Variants in PRMT3 observed in about 807,000 individuals in gnomAD.
PRMT3 encodes the protein protein arginine N-methyltransferase 3.
Under a neutral mutation model 71.9 loss-of-function variants are expected in PRMT3, and 62 were observed. The observed-to-expected ratio is 0.86, with a 90% CI of 0.70 to 1.07. The LOEUF (loss-of-function observed/expected upper bound fraction) is 1.07, where lower values mean the gene tolerates loss of function less well. PRMT3 is among the 50% of genes least tolerant of loss of function. The pLI, the probability that PRMT3 is intolerant of heterozygous loss-of-function variation, is 0.00. For missense variants in PRMT3, 663 were observed against 643.0 expected (o/e 1.03, Z -0.34); for synonymous variants, 213 against 220.4 (o/e 0.97, Z 0.30).
At position 20,426,827 on chromosome 11, in the gene PRMT3, C is replaced by T. The variant is rs1849556726; in HGVS notation, c.955C>T (p.Pro319Ser). 1 of 1,527,598 alleles carries T rather than the reference C, an allele frequency of 6.5e-7. No homozygotes were observed. Among genetic ancestry groups the T allele is most frequent in the Non-Finnish European group, 8.7e-7 (1 of 1,149,338 alleles). The allele number at this position is 1,527,598 out of a possible 1,614,324, so 94.6% of individuals were successfully genotyped here. Reference protein sequence around the residue: ...IKGKIEEVHLPVEKVDVIISE... With the variant: ...IKGKIEEVHLSVEKVDVIISE... ...AGGAAAGATTGAAGAAGTTCATCTT[C>T]CTGTAGAAAAAGTAGATGTTATCAT... The change falls in exon 10 of 16, where the codon CCT becomes TCT. Residue 319 changes from proline (P) to serine (S), a missense_variant. Physicochemically the swap from Pro to Ser is moderately conservative, Grantham distance 74. Coordinates refer to ENST00000331079, the MANE Select transcript of PRMT3 (RefSeq NM_005788.4).
At chr11:20,402,722 C>G (rs1182987793) in intron 7 of PRMT3, among the ~76,000 whole-genome samples, 197 bp from the exon 8 acceptor site, 1 of 152,154 alleles carries the variant, frequency 6.6e-6, no homozygotes, top group Non-Finnish European at 1.5e-5. Flanking sequence ...TTTCAGTCTT[C>G]ATAAAATATT....
chr11:20,392,694 T>TA (rs912679670), intron 4 of PRMT3, among the ~76,000 whole-genome samples: 4 of 150,460 alleles, frequency 2.7e-5, no homozygotes, highest in East Asian at 2.0e-4. Context: ...ATCCAAACAG[T>TA]AAAAAAAACT....
At chr11:20,465,683 G>A (rs1339920305) in intron 13 of PRMT3, among the ~76,000 whole-genome samples, 3 of 151,706 alleles carry the variant, frequency 2.0e-5, no homozygotes, top group Non-Finnish European at 4.4e-5. Flanking sequence ...CCAGATTTAA[G>A]TTTAATTTAA....
chr11:20,499,180 A>T (rs1170598142), intron 15 of PRMT3, among the ~76,000 whole-genome samples: 1 of 152,256 alleles, frequency 6.6e-6, no homozygotes, highest in Non-Finnish European at 1.5e-5. Context: ...AATGTATTGT[A>T]AAGTTTTTAC....
intron 10 of PRMT3, among the ~76,000 whole-genome samples, chr11:20,446,861 A>G (rs1041167317): frequency 4.6e-5 from 7 of 152,168 alleles, no homozygotes; most frequent in Non-Finnish European, 1.0e-4. Context: ...AGCCGCCTGT[A>G]TTTTGCCAAG....
At chr11:20,474,107 C>A (rs999084279) in intron 13 of PRMT3, among the ~76,000 whole-genome samples, 1 of 152,182 alleles carries the variant, frequency 6.6e-6, no homozygotes, top group Non-Finnish European at 1.5e-5. Flanking sequence ...GCCTGAACTG[C>A]ACCCGTACGA....
chr11:20,444,800 ATTAATTCTG>A (rs1377918967), intron 10 of PRMT3, among the ~76,000 whole-genome samples: 1 of 152,054 alleles, frequency 6.6e-6, no homozygotes, highest in Non-Finnish European at 1.5e-5. Context: ...TATTTTGTCT[ATTAATTCTG>A]TTAATTACTG....
chr11:20,443,556 AATT>A (rs1034046460), intron 10 of PRMT3, among the ~76,000 whole-genome samples: 5 of 152,204 alleles, frequency 3.3e-5, no homozygotes, highest in Admixed American at 2.0e-4. Flanking sequence ...TGTTTTTAAT[AATT>A]GTAATAGATA....
intron 15 of PRMT3, among the ~76,000 whole-genome samples, chr11:20,502,361 A>G (rs1380252646): frequency 2.6e-5 from 4 of 152,194 alleles, no homozygotes; most frequent in African/African-American, 9.7e-5. Flanking sequence ...CCTTCATGCT[A>G]CTTAATTAAC....
At chr11:20,427,817 A>T (rs1010030826) in intron 10 of PRMT3, among the ~76,000 whole-genome samples, 5 of 151,968 alleles carry the variant, frequency 3.3e-5, no homozygotes, top group African/African-American at 1.2e-4. Context: ...AAAGATTTTT[A>T]AATTATTTTG....
intron 7 of PRMT3, among the ~76,000 whole-genome samples, chr11:20,401,545 A>T (rs1389663749): frequency 1.3e-5 from 2 of 150,990 alleles, no homozygotes; most frequent in Non-Finnish European, 3.0e-5. Flanking sequence ...TTTATGCATT[A>T]AAAAAAAACT....
intron 11 of PRMT3, among the ~76,000 whole-genome samples, chr11:20,456,613 G>A (rs572270795): frequency 6.6e-6 from 1 of 151,964 alleles, no homozygotes; most frequent in Admixed American, 6.6e-5. Flanking sequence ...CTGAGTCTTG[G>A]TCAGGTAAGG....
rs569278150 is a variant in PRMT3 at position 20,503,455 on chromosome 11, T to C, written c.1487-4849T>C. ...AATTACATATACCACTGTGGAAATATAGATTATTTCCATCACTCCAAAAAG... is the reference window on the plus strand; with the variant it reads ...AATTACATATACCACTGTGGAAATACAGATTATTTCCATCACTCCAAAAAG... On this transcript the variant is annotated intron_variant, in intron 15 of 15. Transcript: ENST00000331079. Among the ~76,000 whole-genome samples, 238 of 152,302 alleles carry C rather than the reference T, an allele frequency of 1.6e-3. 1 individual carries two copies. The highest frequency in any genetic ancestry group is 3.1e-3 in the South Asian group (15 of 4,822).
At chr11:20,408,315 T>C (rs1335742379) in intron 9 of PRMT3, among the ~76,000 whole-genome samples, 1 of 151,962 alleles carries the variant, frequency 6.6e-6, no homozygotes, top group Non-Finnish European at 1.5e-5. Context: ...AATATAAAAT[T>C]AAAAACTATT....
chr11:20,462,904 C>G (rs1481381362), intron 12 of PRMT3, among the ~76,000 whole-genome samples: 1 of 150,868 alleles, frequency 6.6e-6, no homozygotes, highest in Non-Finnish European at 1.5e-5. Context: ...CTCACTCTGT[C>G]GCCCAGGCTG....
At chr11:20,506,017 C>A (rs1851582833) in intron 15 of PRMT3, among the ~76,000 whole-genome samples, 1 of 152,070 alleles carries the variant, frequency 6.6e-6, no homozygotes, top group African/African-American at 2.4e-5. Flanking sequence ...AATCAAACTG[C>A]CTTGCTGAAA....
chr11:20,409,344 A>G (rs1026987932), intron 9 of PRMT3, among the ~76,000 whole-genome samples: 42 of 152,280 alleles, frequency 2.8e-4, no homozygotes, highest in African/African-American at 9.9e-4. Flanking sequence ...TTCACTGTCA[A>G]ATGAAACTTA....
chr11:20,395,647 A>C (rs1446163926), intron 5 of PRMT3, among the ~76,000 whole-genome samples, 156 bp from the exon 6 acceptor site: 1 of 152,114 alleles, frequency 6.6e-6, no homozygotes, highest in African/African-American at 2.4e-5. Context: ...GCCACTGTGC[A>C]AAGCCAAGAT....
At chr11:20,400,672 T>G (rs2133310086) in intron 7 of PRMT3, among the ~76,000 whole-genome samples, 1 of 152,286 alleles carries the variant, frequency 6.6e-6, no homozygotes, top group African/African-American at 2.4e-5. Context: ...AAACATACTG[T>G]TGCTTGTGTA....
Sources: gnomAD v4.1 joint callset for allele counts (sites outside exome capture counted in the v4.1 genomes callset) on GRCh38, gnomAD v4.1.1 for gene constraint, MANE v1.5 for transcripts, NCBI Gene and HGNC (gene_info 2026-07-23, HGNC 2026-07-21) for gene names.